CARMIL1: variants seen among roughly 807,000 people sequenced by gnomAD.
CARMIL1 encodes the protein capping protein regulator and myosin 1 linker 1, also known as F-actin-uncapping protein LRRC16A.
Under a neutral mutation model 177.1 loss-of-function variants are expected in CARMIL1, and 90 were observed. The ratio of observed to expected loss-of-function variants is 0.51; its 90% CI spans 0.43 to 0.61. The LOEUF is 0.61. CARMIL1 is among the 20% of genes least tolerant of loss of function. The probability of loss-of-function intolerance (pLI) is 0.00; values close to 1 mark genes in which losing one functional copy is unlikely to be tolerated. For synonymous variants in CARMIL1, 577 were observed against 606.2 expected (o/e 0.95, Z 0.71); for missense variants, 1,380 against 1,667.0 (o/e 0.83, Z 3.00).
chr6:25,598,665 G>A (rs955958056), intron 32 of CARMIL1, among the ~76,000 whole-genome samples: 6 of 152,036 alleles, frequency 3.9e-5, no homozygotes, highest in African/African-American at 1.2e-4. Context: ...CCAACCTTGA[G>A]TTTTCTACTT....
chr6:25,559,463 T>G (rs1205926347), intron 29 of CARMIL1, among the ~76,000 whole-genome samples: 1 of 152,194 alleles, frequency 6.6e-6, no homozygotes, highest in East Asian at 1.9e-4. Context: ...CAAGATTAAC[T>G]GTTGTGTAGA....
intron 35 of CARMIL1, among the ~76,000 whole-genome samples, chr6:25,608,076 C>A (rs544328306): frequency 1.3e-5 from 2 of 152,222 alleles, no homozygotes; most frequent in East Asian, 3.9e-4. Flanking sequence ...TCAAAAGGAG[C>A]CTTGCTCCTA....
rs1796290641 is a variant in CARMIL1, at chr6:25,426,498, C to G, written c.190-3C>G. The G allele has an allele frequency of 6.2e-7, 1 of 1,609,850 alleles. No homozygotes were observed. The highest frequency in any genetic ancestry group is 1.1e-5 in the South Asian group (1 of 90,782). ...TTCTTTCCTCCTTTCCCCTCAATTG[C>G]AGCTCGAGTTAACCTTCAGCTACTT... On this transcript the variant is annotated splice_region_variant and splice_polypyrimidine_tract_variant and intron_variant, in intron 3 of 36. Transcript: ENST00000329474.
At chr6:25,373,353 G>A (rs909733144) in intron 2 of CARMIL1, among the ~76,000 whole-genome samples, 6 of 145,560 alleles carry the variant, frequency 4.1e-5, no homozygotes, top group Admixed American at 2.7e-4. Context: ...TTCTTTGAAT[G>A]TCTGGTACAA....
chr6:25,451,498 A>T (rs1391088282), intron 8 of CARMIL1, among the ~76,000 whole-genome samples: 1 of 152,212 alleles, frequency 6.6e-6, no homozygotes, highest in African/African-American at 2.4e-5. Flanking sequence ...TAATAAAGTC[A>T]TGAAACCTGT....
At chr6:25,461,843 G>A (rs562897729) in intron 8 of CARMIL1, among the ~76,000 whole-genome samples, 3 of 152,188 alleles carry the variant, frequency 2.0e-5, no homozygotes, top group African/African-American at 7.2e-5. Flanking sequence ...AATTGGTATT[G>A]TCAGGTTTTT....
At chr6:25,456,544 C>A (rs1294507835) in intron 8 of CARMIL1, among the ~76,000 whole-genome samples, 2 of 151,622 alleles carry the variant, frequency 1.3e-5, no homozygotes, top group African/African-American at 4.8e-5. Flanking sequence ...ATCAGTAGGC[C>A]AAAAAAAGGC....
At chr6:25,466,042 A>G (rs1800569388) in intron 9 of CARMIL1, 94 bp downstream of exon 9, 2 of 805,670 alleles carry the variant, frequency 2.5e-6, no homozygotes, top group Non-Finnish European at 2.2e-6. Context: ...TTACTGTACT[A>G]GTAAGCTGTA....
intron 2 of CARMIL1, among the ~76,000 whole-genome samples, chr6:25,366,588 A>G (rs1435011314): frequency 1.3e-5 from 2 of 150,878 alleles, no homozygotes; most frequent in Non-Finnish European, 2.9e-5. Context: ...ATTTTTGCCT[A>G]TTTTGCTCAC....
intron 36 of CARMIL1, among the ~76,000 whole-genome samples, chr6:25,611,211 G>A (rs532521294): frequency 6.6e-6 from 1 of 152,218 alleles, no homozygotes; most frequent in Non-Finnish European, 1.5e-5. Flanking sequence ...TTATTTGTTG[G>A]GTAGAAGCTT....
Position 25,509,788 on chromosome 6 carries a change from T to A in CARMIL1, c.1477+51T>A. 1 of 1,255,618 alleles carries A rather than the reference T, an allele frequency of 8.0e-7. No individual in the cohort carries two copies. Among genetic ancestry groups the A allele is most frequent in the Non-Finnish European group, 1.1e-6 (1 of 882,982 alleles). The allele number at this position is 1,255,618 out of a possible 1,614,324, so 77.8% of individuals were successfully genotyped here. On this transcript the variant is annotated intron_variant, in intron 18 of 36. Transcript: ENST00000329474. This position sits in a 1 kb window ranked among gnomAD's most constrained non-coding sequence, Gnocchi z 4.1. Reference sequence around the variant, plus strand: ...AAACTGAAATATTTTTTGAAGCAAGTTAATAAGGGGAAAATAATCTTCTAC... The same window carrying A: ...AAACTGAAATATTTTTTGAAGCAAGATAATAAGGGGAAAATAATCTTCTAC...
At chr6:25,524,282 T>A (rs940008403) in intron 23 of CARMIL1, among the ~76,000 whole-genome samples, 6 of 152,130 alleles carry the variant, frequency 3.9e-5, no homozygotes, top group Admixed American at 3.3e-4. Flanking sequence ...AATCATAAGA[T>A]TATAGAATAC....
intron 11 of CARMIL1, among the ~76,000 whole-genome samples, chr6:25,480,340 A>C (rs1029568491): frequency 6.6e-6 from 1 of 151,962 alleles, no homozygotes; most frequent in Non-Finnish European, 1.5e-5. Flanking sequence ...GATTTACTTT[A>C]TATATTTTCA....
At chr6:25,376,584 C>G (rs181053651) in intron 2 of CARMIL1, among the ~76,000 whole-genome samples, 27 of 152,272 alleles carry the variant, frequency 1.8e-4, no homozygotes, top group Admixed American at 3.3e-4. Flanking sequence ...TGTATGACAG[C>G]TTTCTTAGAT....
intron 2 of CARMIL1, among the ~76,000 whole-genome samples, chr6:25,400,089 A>G (rs1437695261): frequency 6.6e-6 from 1 of 152,152 alleles, no homozygotes; most frequent in Non-Finnish European, 1.5e-5. Context: ...CCTTACAATT[A>G]TATCTGTAGG....
At chr6:25,568,499 G>T (rs1046261227) in intron 29 of CARMIL1, among the ~76,000 whole-genome samples, 2 of 152,088 alleles carry the variant, frequency 1.3e-5, no homozygotes, top group African/African-American at 4.8e-5. Context: ...ATCCAAATTG[G>T]GGTATGTGAT....
At chr6:25,473,450 T>C (rs998046313) in intron 11 of CARMIL1, among the ~76,000 whole-genome samples, 1 of 152,242 alleles carries the variant, frequency 6.6e-6, no homozygotes, top group Non-Finnish European at 1.5e-5. Flanking sequence ...ATATGTATTA[T>C]ATATTGTATT....
At chr6:25,476,307 G>C (rs1801571896) in intron 11 of CARMIL1, among the ~76,000 whole-genome samples, 1 of 152,070 alleles carries the variant, frequency 6.6e-6, no homozygotes, top group Non-Finnish European at 1.5e-5. Context: ...TCATTCCAAG[G>C]ATAGCCTTGA....
At chr6:25,475,087 C>G (rs1639081207) in intron 11 of CARMIL1, among the ~76,000 whole-genome samples, 1 of 152,206 alleles carries the variant, frequency 6.6e-6, no homozygotes, top group Non-Finnish European at 1.5e-5. Flanking sequence ...CAGCCACATG[C>G]AAAACATGTT....
Sources: allele counts gnomAD v4.1 joint callset (sites outside exome capture counted in the v4.1 genomes callset), GRCh38; gene constraint gnomAD v4.1.1; non-coding constraint Gnocchi (gnomAD v3.1); transcripts MANE v1.5; gene names NCBI Gene and HGNC (gene_info 2026-07-23, HGNC 2026-07-21).